The following MMP17 variants were observed in gnomAD, a reference collection of about 807,000 sequenced individuals.
MMP17 encodes matrix metalloproteinase-17.
Under a neutral mutation model 49.1 loss-of-function variants are expected in MMP17, and 54 were observed. That is an observed-to-expected ratio of 1.10 (90% confidence interval 0.88 to 1.38). The LOEUF (loss-of-function observed/expected upper bound fraction) is 1.38. MMP17 is among the 40% of genes most tolerant of loss of function. MMP17 has a pLI of 0.00. For missense variants in MMP17, 837 were observed against 853.7 expected (o/e 0.98, Z 0.24); for synonymous variants, 397 against 383.1 (o/e 1.04, Z -0.42).
intron 1 of MMP17, among the ~76,000 whole-genome samples, chr12:131,833,169 G>A (rs1209762056): frequency 2.0e-5 from 3 of 152,246 alleles, no homozygotes; most frequent in Non-Finnish European, 4.4e-5. Context: ...GTGAGCACCT[G>A]CTTTGTGCCA....
intron 6 of MMP17, 41 bp downstream of exon 6, chr12:131,844,122 C>G (rs1887570743): frequency 6.8e-7 from 1 of 1,480,426 alleles, no homozygotes; most frequent in Non-Finnish European, 9.1e-7. Flanking sequence ...TGGGGTCTGT[C>G]TGTCCTCATC....
intron 8 of MMP17, among the ~76,000 whole-genome samples, chr12:131,848,643 T>C (rs6421994): frequency 0.99 from 150,737 of 152,158 alleles, 74,677 homozygotes; most frequent in East Asian, 1. Context: ...GCTCTGAGTG[T>C]TCCAGGGACC....
chr12:131,841,682 G>GT lies in MMP17; in HGVS notation c.767dup (p.Leu256PhefsTer21). 2 of 1,614,072 alleles carry GT rather than the reference G, an allele frequency of 1.2e-6. No homozygotes were observed. The highest frequency in any genetic ancestry group is 8.5e-7 in the Non-Finnish European group (1 of 1,180,006). On this transcript the variant is annotated frameshift_variant, in exon 5 of 10. Transcript: ENST00000360564. LOFTEE classifies it high-confidence loss of function. ...TCCACGAGTTTGGCCACGCCATTGG[G>GT]TTAAGCCATGTGGCCGCTGCACACT...
At chr12:131,847,412 CAAAAAA>C (rs543194949) in intron 8 of MMP17, among the ~76,000 whole-genome samples, 1 of 66,930 alleles carries the variant, frequency 1.5e-5, no homozygotes, top group African/African-American at 4.9e-5. Context: ...GACTCCGTCT[CAAAAAA>C]AAAAAAAAAA....
At chr12:131,834,524 G>T (rs575871057) in intron 1 of MMP17, among the ~76,000 whole-genome samples, 26 of 152,044 alleles carry the variant, frequency 1.7e-4, no homozygotes, top group Non-Finnish European at 3.4e-4. Flanking sequence ...GGGGGCAGGG[G>T]GCAGGGAGGG....
intron 6 of MMP17, chr12:131,844,312 C>G (rs1034821798): frequency 7.4e-6 from 4 of 541,000 alleles, no homozygotes; most frequent in Non-Finnish European, 1.3e-5. Context: ...TCCTCTCCCC[C>G]TCGTCCCTGT....
chr12:131,838,808 C>T (rs1003661185), intron 3 of MMP17, 67 bp downstream of exon 3: 10 of 1,501,718 alleles, frequency 6.7e-6, no homozygotes, highest in South Asian at 5.1e-5. Context: ...GGGTGAGGAA[C>T]GGGGTCTCCG....
chr12:131,834,788 G>GC lies in MMP17; in HGVS notation c.160-3405dup, dbSNP rs1886995294. On this transcript the variant is annotated intron_variant, in intron 1 of 9. Coordinates refer to ENST00000360564, the MANE Select transcript of MMP17 (RefSeq NM_016155.7). ...CCTTGCCACCACCACCACCCCATTAGCCTGGGTCAACATTTCCAAGCCCTA... is the reference window on the plus strand; with the variant it reads ...CCTTGCCACCACCACCACCCCATTAGCCCTGGGTCAACATTTCCAAGCCCTA... Among the ~76,000 whole-genome samples, 3 of 152,190 alleles carry GC rather than the reference G, an allele frequency of 2.0e-5. No individual in the cohort carries two copies. In the South Asian group the frequency reaches 6.2e-4, roughly 32 times the overall value.
chr12:131,837,375 T>C (rs1887134502), intron 1 of MMP17, among the ~76,000 whole-genome samples: 1 of 152,246 alleles, frequency 6.6e-6, no homozygotes, highest in Non-Finnish European at 1.5e-5. Flanking sequence ...TCCTCCCGCC[T>C]CAGCCTCCCA....
intron 4 of MMP17, among the ~76,000 whole-genome samples, chr12:131,841,157 G>A (rs1194009243): frequency 6.6e-6 from 1 of 152,230 alleles, no homozygotes; most frequent in Non-Finnish European, 1.5e-5. Context: ...CCGGCTCAGT[G>A]TCACTCCCGC....
rs1887417130 is a variant in MMP17 at position 131,841,682 on chromosome 12, G to A, written c.765G>A (p.Gly255=). The A allele has an allele frequency of 6.2e-7, 1 of 1,614,072 alleles. No individual in the cohort carries two copies. The highest frequency in any genetic ancestry group is 8.5e-7 in the Non-Finnish European group (1 of 1,180,006). ...VAVHEFGHAI[G]LSHVAAAHSI... ...TCCACGAGTTTGGCCACGCCATTGG[G>A]TTAAGCCATGTGGCCGCTGCACACT... The change falls in exon 5 of 10, where the codon GGG becomes GGA. Residue 255 remains glycine, a synonymous_variant. Coordinates refer to ENST00000360564, the MANE Select transcript of MMP17 (RefSeq NM_016155.7).
Position 131,850,007 on chromosome 12 carries a change from C to G in MMP17, c.1410C>G (p.Pro470=). 5.0e-6 allele frequency: 8 copies of G among 1,613,528 alleles called. No individual in the cohort carries two copies. The highest frequency in any genetic ancestry group is 5.9e-6 in the Non-Finnish European group (7 of 1,179,896). ...ACCCCGGCTACCCCGCCCAGAGCCC[C>G]CTGTGGAGGGGTGTCCCCAGCACGC... ...HMDPGYPAQS[P]LWRGVPSTLD... is the part of the protein sequence containing the mutation. Residue 470 remains proline (P), a synonymous_variant, in exon 9 of 10, where the codon CCC becomes CCG. Coordinates refer to ENST00000360564, the MANE Select transcript of MMP17 (RefSeq NM_016155.7).
At position 131,841,727 on chromosome 12, in the gene MMP17, C is replaced by T. The variant is rs1006061526; in HGVS notation, c.810C>T (p.Tyr270=). The change falls in exon 5 of 10, where the codon TAC becomes TAT. Residue 270 remains tyrosine (Y), a synonymous_variant. Coordinates refer to ENST00000360564, the MANE Select transcript of MMP17 (RefSeq NM_016155.7). ...AAAHSIMRPY[Y]QGPVGDPLRY... ...CACACTCCATCATGCGGCCGTACTA[C>T]CAGGGCCCGGTGGGTGACCCGCTGC... The T allele has an allele frequency of 1.2e-6, 2 of 1,613,736 alleles. No individual in the cohort carries two copies. Among genetic ancestry groups the T allele is most frequent in the South Asian group, 1.1e-5 (1 of 91,070 alleles).
chr12:131,850,156 G>T, intron 9 of MMP17, 97 bp downstream of exon 9: 14 of 1,440,110 alleles, frequency 9.7e-6, no homozygotes, highest in Non-Finnish European at 1.3e-5. Flanking sequence ...CTGAAAGGAG[G>T]ACGGCCCCGG....
chr12:131,830,463 C>A (rs1886732903), intron 1 of MMP17, among the ~76,000 whole-genome samples: 1 of 152,242 alleles, frequency 6.6e-6, no homozygotes, highest in Non-Finnish European at 1.5e-5. Flanking sequence ...TGGCGTGGAG[C>A]CTCCGTCCTG....
chr12:131,842,290 G>T (rs1198891888), intron 5 of MMP17, among the ~76,000 whole-genome samples: 6 of 152,140 alleles, frequency 3.9e-5, no homozygotes, highest in African/African-American at 1.4e-4. Flanking sequence ...GACAGCACAC[G>T]TGCATCAGAG....
chr12:131,841,881 C>CG, intron 5 of MMP17, 81 bp downstream of exon 5: 5 of 1,428,962 alleles, frequency 3.5e-6, no homozygotes, highest in Non-Finnish European at 4.7e-6. Context: ...AGAGCCCCCC[C>CG]GGGAGGGTTT....
At chr12:131,843,792 CTGAG>C (rs1887546826) in intron 5 of MMP17, among the ~76,000 whole-genome samples, 1 of 152,220 alleles carries the variant, frequency 6.6e-6, no homozygotes. Context: ...TGCTCACACA[CTGAG>C]TGTTTAACTC....
At chr12:131,840,916 G>C (rs1363442957) in intron 4 of MMP17, 60 bp downstream of exon 4, 10 of 1,487,782 alleles carry the variant, frequency 6.7e-6, no homozygotes, top group Non-Finnish European at 6.2e-6. Context: ...TGAGGCTGAG[G>C]AGCAGCCATG....
Sources: gnomAD v4.1 joint callset for allele counts (sites outside exome capture counted in the v4.1 genomes callset) on GRCh38, gnomAD v4.1.1 for gene constraint, MANE v1.5 for transcripts, NCBI Gene and HGNC (gene_info 2026-07-23, HGNC 2026-07-21) for gene names.